The following MACROD2 variants were observed in gnomAD, a reference collection of about 807,000 sequenced individuals.
MACROD2 encodes ADP-ribose glycohydrolase MACROD2.
A neutral mutation model predicts 70.4 loss-of-function variants in MACROD2; 36 were observed. The observed-to-expected ratio is 0.51, with a 90% CI of 0.39 to 0.68. MACROD2 has a LOEUF of 0.68. Ranked by LOEUF, MACROD2 falls within the 30% of genes least tolerant of loss-of-function variation. The pLI is 0.00. For synonymous variants in MACROD2, 172 were observed against 178.8 expected (o/e 0.96, Z 0.30); for missense variants, 496 against 538.4 (o/e 0.92, Z 0.78).
intron 3 of MACROD2, among the ~76,000 whole-genome samples, chr20:14,113,630 C>T (rs1029593670): frequency 2.6e-5 from 4 of 152,038 alleles, no homozygotes; most frequent in African/African-American, 9.7e-5. Context: ...TTTCACTGAT[C>T]GCTAATCCAG....
chr20:14,953,522 G>A (rs2074492361), intron 5 of MACROD2, among the ~76,000 whole-genome samples: 1 of 152,084 alleles, frequency 6.6e-6, no homozygotes, highest in Non-Finnish European at 1.5e-5. Flanking sequence ...AGCCAGGATG[G>A]TCTCGATCTC....
intron 7 of MACROD2, among the ~76,000 whole-genome samples, chr20:15,461,006 A>ATATATATATATATAT: frequency 6.0e-5 from 4 of 67,016 alleles, no homozygotes; most frequent in Non-Finnish European, 9.8e-5. Flanking sequence ...ATATATATAT[A>ATATATATATATATAT]TTTTTTTTTA....
chr20:15,680,889 G>C (rs546188368), intron 8 of MACROD2, among the ~76,000 whole-genome samples: 1 of 152,286 alleles, frequency 6.6e-6, no homozygotes, highest in Non-Finnish European at 1.5e-5. Context: ...AGACAAAATA[G>C]GAGGAAACTT....
chr20:14,297,970 G>A (rs2082440896), intron 3 of MACROD2, among the ~76,000 whole-genome samples: 1 of 151,824 alleles, frequency 6.6e-6, no homozygotes, highest in Admixed American at 6.6e-5. Context: ...GAATATCCTA[G>A]TGCTAATAAG....
chr20:15,272,571 T>C (rs1600178710), intron 6 of MACROD2, among the ~76,000 whole-genome samples: 1 of 152,354 alleles, frequency 6.6e-6, no homozygotes, highest in Non-Finnish European at 1.5e-5. Context: ...CACAGAAATG[T>C]GTCTGACACC....
chr20:14,214,114 T>C (rs2122142640), intron 3 of MACROD2, among the ~76,000 whole-genome samples: 1 of 152,304 alleles, frequency 6.6e-6, no homozygotes, highest in South Asian at 2.1e-4. Context: ...TAGTTAATAA[T>C]TGAAGCATGT....
intron 3 of MACROD2, among the ~76,000 whole-genome samples, chr20:14,334,357 A>G (rs1465926942): frequency 3.3e-5 from 5 of 152,212 alleles, no homozygotes; most frequent in Non-Finnish European, 5.9e-5. Flanking sequence ...TCAGAAGACC[A>G]ACTCTTTGTT....
intron 3 of MACROD2, among the ~76,000 whole-genome samples, chr20:14,388,703 C>T (rs1218701518): frequency 6.6e-6 from 1 of 152,122 alleles, no homozygotes. Context: ...ATCTATGGCA[C>T]ATCTCAAGCA....
intron 5 of MACROD2, among the ~76,000 whole-genome samples, chr20:15,038,457 G>A (rs1452272119): frequency 6.6e-6 from 1 of 152,144 alleles, no homozygotes; most frequent in African/African-American, 2.4e-5. Flanking sequence ...TTTTTGATGT[G>A]AGCAGTGTAT....
At chr20:14,245,611 C>A (rs1040583518) in intron 3 of MACROD2, among the ~76,000 whole-genome samples, 1 of 152,084 alleles carries the variant, frequency 6.6e-6, no homozygotes, top group Non-Finnish European at 1.5e-5. Flanking sequence ...AAATATACAA[C>A]TTTAACATTT....
At chr20:15,645,925 G>T (rs1029852618) in intron 8 of MACROD2, among the ~76,000 whole-genome samples, 1 of 152,152 alleles carries the variant, frequency 6.6e-6, no homozygotes, top group Non-Finnish European at 1.5e-5. Context: ...CGATATAAAT[G>T]GTAGACATGG....
chr20:15,043,940 C>T (rs906017371), intron 5 of MACROD2, among the ~76,000 whole-genome samples: 3 of 152,312 alleles, frequency 2.0e-5, no homozygotes, highest in East Asian at 1.9e-4. Context: ...AGCTTCCAAA[C>T]CTTCTCTGGG....
chr20:15,501,930 T>G (rs1023839531), intron 8 of MACROD2, among the ~76,000 whole-genome samples: 2 of 152,196 alleles, frequency 1.3e-5, no homozygotes, highest in African/African-American at 4.8e-5. Flanking sequence ...CATTGCAGTA[T>G]TATTTTGATG....
chr20:15,737,118 A>G (rs1477771504), intron 8 of MACROD2, among the ~76,000 whole-genome samples: 2 of 152,214 alleles, frequency 1.3e-5, no homozygotes, highest in East Asian at 3.8e-4. Context: ...AAGAAAGAAG[A>G]AACTAGTATG....
intron 8 of MACROD2, among the ~76,000 whole-genome samples, chr20:15,542,677 A>T (rs1049725485): frequency 1.3e-5 from 2 of 152,260 alleles, no homozygotes; most frequent in African/African-American, 4.8e-5. Context: ...CCTGTTCCTT[A>T]ACACAATTTC....
At chr20:15,760,012 A>G (rs1371237325) in intron 8 of MACROD2, among the ~76,000 whole-genome samples, 3 of 152,234 alleles carry the variant, frequency 2.0e-5, no homozygotes, top group African/African-American at 7.2e-5. Context: ...TCACAGGACA[A>G]ACAGAGAATA....
At chr20:14,574,666 A>C (rs567715859) in intron 4 of MACROD2, among the ~76,000 whole-genome samples, 2 of 150,944 alleles carry the variant, frequency 1.3e-5, no homozygotes, top group South Asian at 4.1e-4. Flanking sequence ...TTATTATGAA[A>C]TATATTATAA....
chr20:14,715,795 G>T (rs779201202), intron 5 of MACROD2, among the ~76,000 whole-genome samples: 1 of 152,092 alleles, frequency 6.6e-6, no homozygotes, highest in Non-Finnish European at 1.5e-5. Flanking sequence ...ATCAACAGGG[G>T]CTGAAAAGAC....
At chr20:15,004,863 G>A (rs572996970) in intron 5 of MACROD2, among the ~76,000 whole-genome samples, 3 of 152,296 alleles carry the variant, frequency 2.0e-5, no homozygotes, top group South Asian at 4.1e-4. Context: ...TCACTTTGAT[G>A]TGTAAAACTT....
Sources: gnomAD v4.1 joint callset for allele counts (sites outside exome capture counted in the v4.1 genomes callset) on GRCh38, gnomAD v4.1.1 for gene constraint, MANE v1.5 for transcripts, NCBI Gene and HGNC (gene_info 2026-07-23, HGNC 2026-07-21) for gene names.